Variants in ATP10A observed in about 807,000 individuals in gnomAD.
ATP10A encodes the protein phospholipid-transporting ATPase VA.
In ATP10A, 111 loss-of-function variants were observed where a neutral mutation model predicts 147.8. The ratio of observed to expected loss-of-function variants is 0.75; its 90% CI spans 0.64 to 0.88. The LOEUF is 0.88. Among genes scored for constraint, ATP10A ranks in the 40% least tolerant of loss-of-function variants. The probability of loss-of-function intolerance (pLI) is 0.00; values close to 1 mark genes in which losing one functional copy is unlikely to be tolerated. For missense variants in ATP10A, 1,927 were observed against 1,959.0 expected, an observed-to-expected ratio of 0.98 and a Z score of 0.31; for synonymous variants, 875 against 841.6, an observed-to-expected ratio of 1.04 and a Z score of -0.69.
chr15:25,717,665 G>C (rs1901905176), intron 8 of ATP10A, among the ~76,000 whole-genome samples: 1 of 152,164 alleles, frequency 6.6e-6, no homozygotes, highest in African/African-American at 2.4e-5. Flanking sequence ...AGTAAGCAAG[G>C]GGGATTCATC....
intron 1 of ATP10A, among the ~76,000 whole-genome samples, chr15:25,812,379 T>A (rs1891471340): frequency 6.6e-6 from 1 of 152,238 alleles, no homozygotes. Context: ...CAGAGTGTTA[T>A]GTTCTATGGT....
At chr15:25,707,843 C>A (rs1284465645) in intron 12 of ATP10A, 133 bp downstream of exon 12, 1 of 1,288,046 alleles carries the variant, frequency 7.8e-7, no homozygotes, top group Non-Finnish European at 1.1e-6. Flanking sequence ...CTCGGCTGTG[C>A]CAGCGTCCTG....
chr15:25,807,326 G>A (rs902430112), intron 1 of ATP10A, among the ~76,000 whole-genome samples: 6 of 152,182 alleles, frequency 3.9e-5, no homozygotes, highest in African/African-American at 7.2e-5. Context: ...ACCCTTCTGC[G>A]GCTAGGGGCT....
intron 1 of ATP10A, 55 bp downstream of exon 1, chr15:25,862,593 C>A: frequency 6.9e-7 from 1 of 1,458,738 alleles, no homozygotes; most frequent in Non-Finnish European, 9.1e-7. Flanking sequence ...ACCAAGTTCC[C>A]GGGGCGCCCT....
intron 1 of ATP10A, among the ~76,000 whole-genome samples, chr15:25,816,917 T>C (rs1000214795): frequency 2.0e-5 from 3 of 152,134 alleles, no homozygotes; most frequent in Non-Finnish European, 2.9e-5. Context: ...TTCTGTTGTA[T>C]CTTACACTCT....
intron 5 of ATP10A, 81 bp downstream of exon 5, chr15:25,725,870 G>T: frequency 2.1e-6 from 3 of 1,456,874 alleles, no homozygotes; most frequent in Non-Finnish European, 2.8e-6. Flanking sequence ...TGCCCGCCTC[G>T]GCCTCCCAAA....
rs772143050 is a variant in ATP10A, at chr15:25,687,979, C to A, written c.3166-151G>T. ...GGCCGGCCAGGGTCTCCATCGCTGTCGTCTCCCTCAGCATCTCCTTCCGTT... is the reference window on the plus strand; with the variant it reads ...GGCCGGCCAGGGTCTCCATCGCTGTAGTCTCCCTCAGCATCTCCTTCCGTT... On this transcript the variant is annotated intron_variant, in intron 15 of 20. Transcript: ENST00000555815. The A allele has an allele frequency of 7.0e-6, 7 of 993,244 alleles. No homozygotes were observed. The African/African-American group carries it at 9.6e-5, about 14-fold the overall frequency. The allele number at this position is 993,244 out of a possible 1,614,324, so 61.5% of individuals were successfully genotyped here. A position where few individuals can be genotyped will look rare whatever the true frequency, so the allele number is the denominator to read the frequency against.
chr15:25,848,986 T>A (rs1453652846), intron 1 of ATP10A, among the ~76,000 whole-genome samples: 5 of 151,972 alleles, frequency 3.3e-5, no homozygotes, highest in African/African-American at 7.2e-5. Flanking sequence ...TCGCCACACC[T>A]ACCGCTGTGG....
chr15:25,777,102 T>C (rs1889650976), intron 2 of ATP10A, among the ~76,000 whole-genome samples: 1 of 151,834 alleles, frequency 6.6e-6, no homozygotes, highest in African/African-American at 2.4e-5. Context: ...CGTGCGTGTG[T>C]GTGTGTGTGT....
intron 13 of ATP10A, among the ~76,000 whole-genome samples, chr15:25,698,492 A>G (rs1340367934): frequency 6.6e-6 from 1 of 151,704 alleles, no homozygotes; most frequent in Non-Finnish European, 1.5e-5. Flanking sequence ...TACAATATAC[A>G]GAATAGGTGG....
At chr15:25,779,688 G>A (rs1187539324) in intron 2 of ATP10A, among the ~76,000 whole-genome samples, 1 of 152,098 alleles carries the variant, frequency 6.6e-6, no homozygotes, top group Non-Finnish European at 1.5e-5. Context: ...GTGCCTCGAG[G>A]GGCCCCTAAC....
intron 3 of ATP10A, among the ~76,000 whole-genome samples, chr15:25,731,887 G>A (rs4482252): frequency 0.28 from 42,803 of 151,974 alleles, 7,309 homozygotes; most frequent in Non-Finnish European, 0.38. Flanking sequence ...ATAGGGTCTC[G>A]CTCTGTTGTC....
intron 1 of ATP10A, among the ~76,000 whole-genome samples, chr15:25,833,595 C>T (rs1386829026): frequency 2.0e-5 from 3 of 152,176 alleles, no homozygotes; most frequent in African/African-American, 7.2e-5. Context: ...AATTAACATG[C>T]GCCGGGCAGT....
intron 2 of ATP10A, among the ~76,000 whole-genome samples, chr15:25,743,904 G>A (rs554588000): frequency 8.2e-4 from 125 of 152,132 alleles, no homozygotes; most frequent in Non-Finnish European, 1.6e-3. Flanking sequence ...TTGATAGTGA[G>A]GTCTGATTAA....
chr15:25,730,290 A>G lies in ATP10A; in HGVS notation c.741-3024T>C, dbSNP rs1184016862. Among the ~76,000 whole-genome samples the G allele has an allele frequency of 6.1e-5, 9 of 147,778 alleles. No homozygotes were observed. The East Asian group carries it at 1.8e-3, about 30-fold the overall frequency. On this transcript the variant is annotated intron_variant, in intron 3 of 20. Transcript: ENST00000555815. ...GCACTACAGCCTGGGCAACAGAGTG[A>G]GACTCTGTCTCAAAAAAAAAAAAAA...
chr15:25,714,210 A>C lies in ATP10A; in HGVS notation c.1808T>G (p.Val603Gly), dbSNP rs1291419687. The C allele has an allele frequency of 1.2e-6, 2 of 1,601,462 alleles. No individual in the cohort carries two copies. The highest frequency in any genetic ancestry group is 8.5e-7 in the Non-Finnish European group (1 of 1,179,956). Residue 603 changes from valine (V) to glycine (G), a missense_variant, in exon 10 of 21, where the codon GTG (valine) becomes GGG (glycine). By Grantham distance (109) the Val-to-Gly change is moderately radical. Transcript: ENST00000555815. ...CCGCAGGAAGTCTTCTATCGTCTTC[A>C]CCGGGGACTTCAGCTCAAACCTCAC... ...VRVRFELKSP[V>G]KTIEDFLRRF... is the part of the protein sequence containing the mutation.
chr15:25,784,672 C>A (rs1290808877), intron 1 of ATP10A, among the ~76,000 whole-genome samples: 2 of 152,126 alleles, frequency 1.3e-5, no homozygotes, highest in Non-Finnish European at 2.9e-5. Context: ...CGCCTGTAAT[C>A]CCAGCACTTT....
At chr15:25,707,903 A>G in intron 12 of ATP10A, 73 bp downstream of exon 12, 11 of 1,573,314 alleles carry the variant, frequency 7.0e-6, no homozygotes, top group Non-Finnish European at 9.5e-6. Flanking sequence ...CGCTGACAAG[A>G]GCACTCACCC....
At position 25,718,336 on chromosome 15, in the gene ATP10A, C is replaced by A. The variant is rs1380765442; in HGVS notation, c.1427G>T (p.Gly476Val). 5 of 1,610,444 alleles carry A rather than the reference C, an allele frequency of 3.1e-6. No homozygotes were observed. The highest frequency in any genetic ancestry group is 2.2e-5 in the East Asian group (1 of 44,830). Reference protein sequence around the residue: ...SEEEEVVPRGGSVSQRGSIGS... With the variant: ...SEEEEVVPRGVSVSQRGSIGS... The stretch of plus-strand genomic sequence containing the variant: ...GATGCTGCCGCGCTGGGACACCGAG[C>A]CCCCTCTGGGCACCACCTCCTCCTC... The change falls in exon 8 of 21, where the codon GGC (glycine) becomes GTC (valine). Residue 476 changes from glycine (G) to valine (V), a missense_variant. Transcript: ENST00000555815.
Sources: allele counts gnomAD v4.1 joint callset (sites outside exome capture counted in the v4.1 genomes callset), GRCh38; gene constraint gnomAD v4.1.1; transcripts MANE v1.5; gene names NCBI Gene and HGNC (gene_info 2026-07-23, HGNC 2026-07-21).